Variants in DTL observed in about 807,000 individuals in gnomAD.
The protein encoded by DTL is denticleless protein homolog.
DTL carries 46 observed loss-of-function variants against 87.0 expected under a neutral mutation model. That is an observed-to-expected ratio of 0.53 (90% confidence interval 0.42 to 0.68). The LOEUF (loss-of-function observed/expected upper bound fraction) is 0.68. DTL is among the 30% of genes least tolerant of loss of function. DTL has a pLI of 0.00. For missense variants in DTL, 737 were observed against 869.4 expected (o/e 0.85, Z 1.91); for synonymous variants, 308 against 311.2 (o/e 0.99, Z 0.11).
chr1:212,059,517 T>TG (rs1388796073), intron 5 of DTL, among the ~76,000 whole-genome samples: 2 of 151,962 alleles, frequency 1.3e-5, no homozygotes, highest in African/African-American at 4.8e-5. Flanking sequence ...GGAAGGAACA[T>TG]ATCTCAACAT....
At chr1:212,042,098 CAG>C (rs936450073) in intron 1 of DTL, among the ~76,000 whole-genome samples, 1 of 152,140 alleles carries the variant, frequency 6.6e-6, no homozygotes, top group African/African-American at 2.4e-5. Context: ...ATTGTAAACT[CAG>C]TGTTTCCTCC....
chr1:212,035,788 G>T lies in DTL; in HGVS notation c.-103G>T. ...GGGCTTACAGTGGCGGGAGTTGGAG[G>T]CGATAACGATTTGTGTTGTGAGAGG... On this transcript the variant is annotated 5_prime_UTR_variant, in exon 1 of 15. Coordinates refer to ENST00000366991, the MANE Select transcript of DTL (RefSeq NM_016448.4). 9.2e-7 allele frequency: 1 copy of T among 1,088,014 alleles called. No individual in the cohort carries two copies. The highest frequency in any genetic ancestry group is 1.4e-6 in the Non-Finnish European group (1 of 735,622). The allele number at this position is 1,088,014 out of a possible 1,614,324, so 67.4% of individuals were successfully genotyped here. A position where few individuals can be genotyped will look rare whatever the true frequency, so the allele number is the denominator to read the frequency against.
chr1:212,074,819 G>A (rs1387841659), intron 11 of DTL, among the ~76,000 whole-genome samples: 1 of 152,078 alleles, frequency 6.6e-6, no homozygotes, highest in African/African-American at 2.4e-5. Context: ...CAAAATAGAA[G>A]GGAGTTTTGT....
chr1:212,085,149 T>A (rs1336123845), intron 13 of DTL, among the ~76,000 whole-genome samples: 1 of 152,194 alleles, frequency 6.6e-6, no homozygotes, highest in Non-Finnish European at 1.5e-5. Flanking sequence ...CAATTTGTAG[T>A]CAACTGAATG....
At chr1:212,094,547 T>C (rs1035951830) in intron 13 of DTL, among the ~76,000 whole-genome samples, 2 of 152,214 alleles carry the variant, frequency 1.3e-5, no homozygotes, top group Non-Finnish European at 2.9e-5. Flanking sequence ...TGCCTGCAGA[T>C]TTGTTCTTTT....
intron 5 of DTL, among the ~76,000 whole-genome samples, chr1:212,056,103 ACCT>A (rs1225312570): frequency 6.6e-6 from 1 of 151,500 alleles, no homozygotes; most frequent in Non-Finnish European, 1.5e-5. Flanking sequence ...ACCACTCCAC[ACCT>A]CCTGCCCAGG....
At chr1:212,082,395 C>T (rs1655013068) in intron 13 of DTL, among the ~76,000 whole-genome samples, 1 of 152,044 alleles carries the variant, frequency 6.6e-6, no homozygotes, top group South Asian at 2.1e-4. Flanking sequence ...GAGAAAGAAG[C>T]AGGGTTGAAG....
intron 2 of DTL, 88 bp downstream of exon 2, chr1:212,043,206 A>G (rs1667706838): frequency 7.6e-7 from 1 of 1,320,134 alleles, no homozygotes; most frequent in African/African-American, 1.5e-5. Flanking sequence ...TTTCCCTTTC[A>G]AAGAAAAGTA....
At chr1:212,102,367 A>C (rs1414951081) in intron 14 of DTL, among the ~76,000 whole-genome samples, 4 of 152,190 alleles carry the variant, frequency 2.6e-5, no homozygotes, top group Admixed American at 2.6e-4. Flanking sequence ...CTGATACATA[A>C]ATCTTAAAAT....
rs966309797 is a variant in DTL at position 212,103,818 on chromosome 1, TAAAAA to T, written c.*882_*886del. 6.6e-6 allele frequency: 1 copy of T among 151,980 alleles called. No homozygotes were observed. Among genetic ancestry groups the T allele is most frequent in the African/African-American group, 2.4e-5 (1 of 41,376 alleles). The allele number at this position is 151,980 out of a possible 1,614,324, so 9.4% of individuals were successfully genotyped here. A position where few individuals can be genotyped will look rare whatever the true frequency, so the allele number is the denominator to read the frequency against. ...CAGTTCTTTAGGGGCTGCAATGTTT[TAAAAA>T]AAATAAGTCATCAGATTTTAAGAAA... On this transcript the variant is annotated 3_prime_UTR_variant, in exon 15 of 15. Transcript: ENST00000366991.
At chr1:212,040,110 A>G (rs1281303615) in intron 1 of DTL, among the ~76,000 whole-genome samples, 2 of 152,266 alleles carry the variant, frequency 1.3e-5, no homozygotes, top group Admixed American at 6.5e-5. Flanking sequence ...CATAAAGCAC[A>G]GACACATTGT....
At chr1:212,047,064 C>A in intron 3 of DTL, 87 bp from the exon 4 acceptor site, 1 of 1,214,262 alleles carries the variant, frequency 8.2e-7, no homozygotes, top group Non-Finnish European at 1.2e-6. Context: ...TTTACTACTA[C>A]AGCTTTCCAG....
chr1:212,095,213 A>C (rs1425284970), intron 13 of DTL, among the ~76,000 whole-genome samples: 1 of 152,140 alleles, frequency 6.6e-6, no homozygotes, highest in Non-Finnish European at 1.5e-5. Context: ...CGTTCAGTAT[A>C]ACGTTGGCTG....
At chr1:212,097,905 C>T (rs990513922) in intron 13 of DTL, among the ~76,000 whole-genome samples, 6 of 150,258 alleles carry the variant, frequency 4.0e-5, no homozygotes, top group Non-Finnish European at 7.4e-5. Flanking sequence ...TCTTTTGTCC[C>T]ACAGAGTGAT....
intron 1 of DTL, among the ~76,000 whole-genome samples, chr1:212,040,323 CTG>C (rs1558068761): frequency 6.6e-6 from 1 of 152,312 alleles, no homozygotes; most frequent in East Asian, 1.9e-4. Flanking sequence ...TGGCATATGA[CTG>C]TATATCGTAG....
intron 11 of DTL, among the ~76,000 whole-genome samples, chr1:212,076,930 C>G (rs1341450087): frequency 1.3e-5 from 2 of 152,148 alleles, no homozygotes; most frequent in African/African-American, 4.8e-5. Flanking sequence ...AGACTCTGCT[C>G]TTTGTCTTCT....
At chr1:212,052,035 C>G in intron 5 of DTL, 2 of 951,242 alleles carry the variant, frequency 2.1e-6, no homozygotes, top group Admixed American at 3.4e-5. Context: ...GATGGCGGTT[C>G]CGGCCGAAAA....
chr1:212,088,205 A>G (rs1411815495), intron 13 of DTL, among the ~76,000 whole-genome samples: 3 of 152,190 alleles, frequency 2.0e-5, no homozygotes, highest in African/African-American at 7.2e-5. Flanking sequence ...AAAGTTGATT[A>G]TCCTTATCCT....
intron 13 of DTL, among the ~76,000 whole-genome samples, chr1:212,098,272 C>A (rs1038636340): frequency 1.3e-5 from 2 of 152,204 alleles, no homozygotes; most frequent in African/African-American, 2.4e-5. Context: ...ATGTTACAGG[C>A]AGTAGAATTA....
Sources: allele counts gnomAD v4.1 joint callset (sites outside exome capture counted in the v4.1 genomes callset), GRCh38; gene constraint gnomAD v4.1.1; transcripts MANE v1.5; gene names NCBI Gene and HGNC (gene_info 2026-07-23, HGNC 2026-07-21).